Variants in ZNF536 observed in about 807,000 individuals in gnomAD.
The protein encoded by ZNF536 is zinc finger protein 536.
Under a neutral mutation model 84.5 loss-of-function variants are expected in ZNF536, and 13 were observed. The ratio of observed to expected loss-of-function variants is 0.15; its 90% CI spans 0.10 to 0.24. The LOEUF (loss-of-function observed/expected upper bound fraction) is 0.24. ZNF536 is among the 10% of genes least tolerant of loss of function. The pLI, the probability that ZNF536 is intolerant of heterozygous loss-of-function variation, is 1.00. For synonymous variants in ZNF536, 811 were observed against 742.5 expected (o/e 1.09, Z -1.50); for missense variants, 1,536 against 1,747.5 (o/e 0.88, Z 2.16).
chr19:30,407,919 T>C (rs2050328964), intron 1 of ZNF536, among the ~76,000 whole-genome samples: 1 of 152,168 alleles, frequency 6.6e-6, no homozygotes, highest in Non-Finnish European at 1.5e-5. Context: ...GGGCTCCTTG[T>C]CTTTGGCTCA....
intron 2 of ZNF536, among the ~76,000 whole-genome samples, chr19:30,328,581 C>T (rs1222283735): frequency 1.3e-5 from 2 of 152,202 alleles, no homozygotes; most frequent in African/African-American, 4.8e-5. Context: ...TAACTAATCA[C>T]TCAAGTTCCA....
At chr19:30,418,364 C>T (rs547185023) in intron 1 of ZNF536, among the ~76,000 whole-genome samples, 4 of 152,210 alleles carry the variant, frequency 2.6e-5, no homozygotes, top group South Asian at 2.1e-4. Flanking sequence ...TCATTCCCAC[C>T]GTGGGTGCAG....
At chr19:30,524,837 G>A (rs2145781267) in intron 2 of ZNF536, among the ~76,000 whole-genome samples, 1 of 152,218 alleles carries the variant, frequency 6.6e-6, no homozygotes, top group Middle Eastern at 3.4e-3. Context: ...AGTGAAAGTA[G>A]AGGCTTATAC....
At chr19:30,555,850 G>A (rs899294688) in intron 4 of ZNF536, 1 of 152,268 alleles carries the variant, frequency 6.6e-6, no homozygotes, top group Non-Finnish European at 1.5e-5. Flanking sequence ...AAATGGCATA[G>A]GAAGACAACC....
At chr19:30,512,804 C>T (rs1157973680) in intron 2 of ZNF536, among the ~76,000 whole-genome samples, 2 of 152,138 alleles carry the variant, frequency 1.3e-5, no homozygotes, top group East Asian at 1.9e-4. Context: ...TCTGCAAGTT[C>T]GAATTACTTT....
At chr19:30,609,307 C>T (rs1030866549) in intron 1 of ZNF536, among the ~76,000 whole-genome samples, 9 of 152,250 alleles carry the variant, frequency 5.9e-5, no homozygotes, top group Middle Eastern at 3.4e-3. Context: ...CAGGGAAACC[C>T]ACAAAATAGC....
chr19:30,693,642 C>A (rs1009003577), intron 1 of ZNF536, among the ~76,000 whole-genome samples: 1 of 151,910 alleles, frequency 6.6e-6, no homozygotes, highest in Non-Finnish European at 1.5e-5. Context: ...TTTATGTCTG[C>A]CACGTGACAT....
chr19:30,355,195 T>A (rs2048053400), intron 3 of ZNF536, among the ~76,000 whole-genome samples: 1 of 151,982 alleles, frequency 6.6e-6, no homozygotes, highest in Admixed American at 6.6e-5. Flanking sequence ...ATCATGGAGC[T>A]TTTACTCACG....
chr19:30,612,134 C>A (rs1045379676), intron 1 of ZNF536, among the ~76,000 whole-genome samples: 1 of 152,028 alleles, frequency 6.6e-6, no homozygotes, highest in African/African-American at 2.4e-5. Context: ...TTGGTGCTCC[C>A]GAAAGAAACA....
At chr19:30,522,273 A>ATATATATATATGTG (rs1342291143) in intron 2 of ZNF536, among the ~76,000 whole-genome samples, 6 of 85,104 alleles carry the variant, frequency 7.1e-5, no homozygotes, top group African/African-American at 2.5e-4. Context: ...ATATATATAT[A>ATATATATATATGTG]CATATATATA....
intron 2 of ZNF536, among the ~76,000 whole-genome samples, chr19:30,465,771 G>A (rs2053359996): frequency 6.6e-6 from 1 of 151,928 alleles, no homozygotes; most frequent in Admixed American, 6.6e-5. Context: ...TTATTTTTGA[G>A]ATGGAGTCTT....
chr19:30,465,600 C>T (rs1054361034), intron 2 of ZNF536, among the ~76,000 whole-genome samples: 1 of 152,090 alleles, frequency 6.6e-6, no homozygotes, highest in African/African-American at 2.4e-5. Context: ...TGGTAAAATA[C>T]ACGTAACAGG....
intron 2 of ZNF536, among the ~76,000 whole-genome samples, chr19:30,309,836 G>C (rs1036893796): frequency 6.6e-6 from 1 of 152,076 alleles, no homozygotes; most frequent in Non-Finnish European, 1.5e-5. Flanking sequence ...TGACTTCGAC[G>C]GCTTTGCTCG....
chr19:30,266,049 G>A (rs901512587), intron 1 of ZNF536, among the ~76,000 whole-genome samples: 2 of 151,168 alleles, frequency 1.3e-5, no homozygotes, highest in Admixed American at 1.3e-4. Flanking sequence ...TACCAACATG[G>A]CTGGCTAAAT....
chr19:30,494,028 C>A (rs933719253), intron 2 of ZNF536, among the ~76,000 whole-genome samples: 1 of 152,062 alleles, frequency 6.6e-6, no homozygotes, highest in Non-Finnish European at 1.5e-5. Context: ...TCTTCTCAAC[C>A]CTGCCCCTGT....
chr19:30,542,845 T>C (rs1157850044), intron 3 of ZNF536, among the ~76,000 whole-genome samples: 1 of 152,192 alleles, frequency 6.6e-6, no homozygotes, highest in Non-Finnish European at 1.5e-5. Context: ...AGGGTCTCAC[T>C]CTATCCCCCA....
chr19:30,528,196 T>C (rs2044669507), intron 2 of ZNF536, among the ~76,000 whole-genome samples: 1 of 152,134 alleles, frequency 6.6e-6, no homozygotes, highest in African/African-American at 2.4e-5. Flanking sequence ...AACTCTCCAG[T>C]CACCATCATC....
At chr19:30,555,613 A>G (rs1163964962) in intron 4 of ZNF536, 1 of 152,226 alleles carries the variant, frequency 6.6e-6, no homozygotes, top group Non-Finnish European at 1.5e-5. Context: ...GCCCTGCCTC[A>G]GTCTTTGACC....
At chr19:30,288,888 CCAT>C (rs2045738095) in intron 2 of ZNF536, among the ~76,000 whole-genome samples, 1 of 152,194 alleles carries the variant, frequency 6.6e-6, no homozygotes, top group African/African-American at 2.4e-5. Flanking sequence ...AAAATGTAGG[CCAT>C]TTTCAGATAA....
Sources: gnomAD v4.1 joint callset for allele counts (sites outside exome capture counted in the v4.1 genomes callset) on GRCh38, gnomAD v4.1.1 for gene constraint, MANE v1.5 for transcripts, NCBI Gene and HGNC (gene_info 2026-07-23, HGNC 2026-07-21) for gene names.